The following SYCP1 variants were observed in gnomAD, a reference collection of about 807,000 sequenced individuals.
SYCP1 encodes the protein synaptonemal complex protein 1.
Under a neutral mutation model 153.1 loss-of-function variants are expected in SYCP1, and 64 were observed. That is an observed-to-expected ratio of 0.42 (90% CI 0.34 to 0.51). SYCP1 has a LOEUF of 0.51. Among genes scored for constraint, SYCP1 ranks in the 20% least tolerant of loss-of-function variants. The pLI, the probability that SYCP1 is intolerant of heterozygous loss-of-function variation, is 0.06. For missense variants in SYCP1, 997 were observed against 1,049.0 expected, an observed-to-expected ratio of 0.95 and a Z score of 0.68; for synonymous variants, 384 against 341.8, an observed-to-expected ratio of 1.12 and a Z score of -1.36.
chr1:114,947,133 G>A (rs1670759156), intron 26 of SYCP1, 113 bp from the exon 27 acceptor site: 1 of 791,906 alleles, frequency 1.3e-6, no homozygotes, highest in South Asian at 1.6e-5. Flanking sequence ...TACATTTTAT[G>A]AGTGAATTTA....
At chr1:114,858,493 GTT>G (rs2101276856) in intron 5 of SYCP1, 52 bp from the exon 6 acceptor site, 1 of 1,455,642 alleles carries the variant, frequency 6.9e-7, no homozygotes, top group Non-Finnish European at 9.3e-7. Context: ...GGCAGCTGTA[GTT>G]TGGTTATATT....
At chr1:114,982,068 A>G (rs1054657351) in intron 29 of SYCP1, among the ~76,000 whole-genome samples, 1 of 152,020 alleles carries the variant, frequency 6.6e-6, no homozygotes, top group East Asian at 1.9e-4. Context: ...GAATTCATAC[A>G]ACTTTTCCAT....
At chr1:114,985,448 T>C (rs1673436701) in intron 30 of SYCP1, among the ~76,000 whole-genome samples, 2 of 151,978 alleles carry the variant, frequency 1.3e-5, no homozygotes, top group Non-Finnish European at 2.9e-5. Context: ...ATAATAATGG[T>C]TTATTGAGAA....
In SYCP1 at chr1:114,923,500, T is replaced by C. The variant is rs779382162; in HGVS notation, c.1770T>C (p.Val590=). Residue 590 remains valine (V), a synonymous_variant, in exon 21 of 32, where the codon GTT becomes GTC. Transcript: ENST00000369522. ...REELKQKRDE[V]KCKLDKSEEN... Reference sequence around the variant, plus strand: ...AGCTAAAACAGAAAAGAGATGAAGTTAAATGTAAATTGGACAAGAGTGAAG... The same window carrying C: ...AGCTAAAACAGAAAAGAGATGAAGTCAAATGTAAATTGGACAAGAGTGAAG... 2 of 1,591,936 alleles carry C rather than the reference T, an allele frequency of 1.3e-6. No homozygotes were observed. The highest frequency in any genetic ancestry group is 3.4e-4 in the Middle Eastern group (2 of 5,932).
chr1:114,995,181 A>C lies in SYCP1; in HGVS notation c.*162A>C, dbSNP rs1674201710. On this transcript the variant is annotated 3_prime_UTR_variant, in exon 32 of 32. Coordinates refer to ENST00000369522, the MANE Select transcript of SYCP1 (RefSeq NM_003176.4). The stretch of plus-strand genomic sequence containing the variant: ...TATATTTTTAGCCTAAATGTTAACT[A>C]CATATTGTCTGGAAACCTGTCATTG... The C allele has an allele frequency of 1.6e-6, 1 of 616,002 alleles. No homozygotes were observed. The highest frequency in any genetic ancestry group is 3.0e-5 in the East Asian group (1 of 32,892). 38.2% of individuals were successfully genotyped at this position (616,002 alleles called of 1,614,324 possible). A position where few individuals can be genotyped will look rare whatever the true frequency, so the allele number is the denominator to read the frequency against.
chr1:114,897,836 G>C (rs1667169644), intron 16 of SYCP1, among the ~76,000 whole-genome samples: 1 of 152,152 alleles, frequency 6.6e-6, no homozygotes, highest in Admixed American at 6.5e-5. Flanking sequence ...TCTTTCCTCT[G>C]TTCTTGCATC....
intron 30 of SYCP1, among the ~76,000 whole-genome samples, chr1:114,991,878 G>A (rs1158812943): frequency 6.6e-6 from 1 of 151,762 alleles, no homozygotes; most frequent in Non-Finnish European, 1.5e-5. Context: ...CTTCACAGAT[G>A]ACATGATCTT....
intron 23 of SYCP1, among the ~76,000 whole-genome samples, chr1:114,942,226 A>G (rs915769694): frequency 4.6e-5 from 7 of 152,072 alleles, no homozygotes; most frequent in Non-Finnish European, 1.0e-4. Context: ...TAGAAGTCAG[A>G]AAACAGTGAG....
intron 8 of SYCP1, among the ~76,000 whole-genome samples, chr1:114,865,421 C>A (rs1321961651): frequency 1.3e-5 from 2 of 152,168 alleles, no homozygotes; most frequent in Non-Finnish European, 2.9e-5. Context: ...TGTTTATTTT[C>A]TAACAGGCAG....
intron 6 of SYCP1, among the ~76,000 whole-genome samples, chr1:114,859,386 C>A (rs553169147): frequency 6.6e-6 from 1 of 151,658 alleles, no homozygotes; most frequent in Non-Finnish European, 1.5e-5. Flanking sequence ...TGCTCCCGGC[C>A]GAAACTGTGT....
intron 16 of SYCP1, among the ~76,000 whole-genome samples, chr1:114,906,760 A>G (rs1202558012): frequency 6.6e-6 from 1 of 152,124 alleles, no homozygotes; most frequent in African/African-American, 2.4e-5. Context: ...ATCAGATATG[A>G]TATATCTTAG....
At chr1:114,855,868 A>G (rs1036661210) in intron 2 of SYCP1, among the ~76,000 whole-genome samples, 1 of 152,150 alleles carries the variant, frequency 6.6e-6, no homozygotes, top group Non-Finnish European at 1.5e-5. Context: ...ATACTACGAG[A>G]TAGTAGAATA....
At chr1:114,921,794 G>A (rs1394107993) in intron 20 of SYCP1, among the ~76,000 whole-genome samples, 1 of 152,256 alleles carries the variant, frequency 6.6e-6, no homozygotes, top group East Asian at 1.9e-4. Flanking sequence ...TCAGATGGAA[G>A]AACTCTCTTT....
intron 23 of SYCP1, among the ~76,000 whole-genome samples, chr1:114,930,801 A>T (rs370988153): frequency 1.3e-5 from 2 of 151,912 alleles, no homozygotes; most frequent in Admixed American, 6.6e-5. Context: ...ACCAATATCC[A>T]TCTGAATAAA....
rs963611746 is a variant in SYCP1, at chr1:114,967,664, G to A, written c.2323-9893G>A. On this transcript the variant is annotated intron_variant, in intron 27 of 31. Coordinates refer to ENST00000369522, the MANE Select transcript of SYCP1 (RefSeq NM_003176.4). ...TGCCAGTCTGTGTCTTTTAATTGGG[G>A]CATTTAGCTTGTTTACATTTAAGGT... Among the ~76,000 whole-genome samples, 9 of 152,070 alleles carry A rather than the reference G, an allele frequency of 5.9e-5. No homozygotes were observed. The East Asian group carries it at 1.5e-3, about 26-fold the overall frequency.
At chr1:114,950,667 T>G (rs1256938555) in intron 27 of SYCP1, among the ~76,000 whole-genome samples, 1 of 152,162 alleles carries the variant, frequency 6.6e-6, no homozygotes, top group Non-Finnish European at 1.5e-5. Flanking sequence ...GAAATTTCTT[T>G]AGCATTTTCT....
At position 114,859,868 on chromosome 1, in the gene SYCP1, T is replaced by A. The variant is rs1250920970; in HGVS notation, c.524+58T>A. ...ACATTTTTTATTCCAAATTTACTACTAAAATAATTTTCAAAAACATATTGA... is the reference window on the plus strand; with the variant it reads ...ACATTTTTTATTCCAAATTTACTACAAAAATAATTTTCAAAAACATATTGA... On this transcript the variant is annotated intron_variant, in intron 7 of 31. Coordinates refer to ENST00000369522, the MANE Select transcript of SYCP1 (RefSeq NM_003176.4). The A allele has an allele frequency of 5.7e-6, 3 of 528,302 alleles. No homozygotes were observed. The East Asian group carries it at 3.6e-4, about 63-fold the overall frequency. 32.7% of individuals were successfully genotyped at this position (528,302 alleles called of 1,614,324 possible).
chr1:114,859,729 G>C lies in SYCP1; in HGVS notation c.457-14G>C. Reference sequence around the variant, plus strand: ...TAAGCAAAATGGGATGAACTTTTCTGTTTTATAAATTAGTTTGGAAATGAA... The same window carrying C: ...TAAGCAAAATGGGATGAACTTTTCTCTTTTATAAATTAGTTTGGAAATGAA... On this transcript the variant is annotated splice_polypyrimidine_tract_variant and intron_variant, in intron 6 of 31. Transcript: ENST00000369522. 1 of 984,998 alleles carries C rather than the reference G, an allele frequency of 1.0e-6. No individual in the cohort carries two copies. The highest frequency in any genetic ancestry group is 1.8e-5 in the South Asian group (1 of 54,236). 61.0% of individuals were successfully genotyped at this position (984,998 alleles called of 1,614,324 possible).
Position 114,887,669 on chromosome 1 carries a change from C to A in SYCP1, c.1234C>A (p.Leu412Ile). The stretch of plus-strand genomic sequence containing the variant: ...TCAATTGAAAATACTTACCATGGAG[C>A]TTCAAAAGAAATCAAGTGAGCTGGG... Reference protein sequence around the residue: ...EDQLKILTMELQKKSSELEEM... With the variant: ...EDQLKILTMEIQKKSSELEEM... Residue 412 changes from leucine to isoleucine, a missense_variant, in exon 15 of 32, where the codon CTT becomes ATT. Coordinates refer to ENST00000369522, the MANE Select transcript of SYCP1 (RefSeq NM_003176.4). The A allele has an allele frequency of 6.4e-7, 1 of 1,557,690 alleles. No homozygotes were observed.
Sources: allele counts gnomAD v4.1 joint callset (sites outside exome capture counted in the v4.1 genomes callset), GRCh38; gene constraint gnomAD v4.1.1; transcripts MANE v1.5; gene names NCBI Gene and HGNC (gene_info 2026-07-23, HGNC 2026-07-21).